CERS6: variants seen among roughly 807,000 people sequenced by gnomAD.
The protein encoded by CERS6 is ceramide synthase 6.
Under a neutral mutation model 56.8 loss-of-function variants are expected in CERS6, and 26 were observed. That is an observed-to-expected ratio of 0.46 (90% CI 0.34 to 0.63). The LOEUF (loss-of-function observed/expected upper bound fraction) is 0.63. Ranked by LOEUF, CERS6 falls within the 30% of genes least tolerant of loss-of-function variation. The pLI is 0.01. For missense variants in CERS6, 415 were observed against 467.5 expected (o/e 0.89, Z 1.04); for synonymous variants, 164 against 173.3 (o/e 0.95, Z 0.42).
intron 6 of CERS6, among the ~76,000 whole-genome samples, chr2:168,697,970 G>C (rs1686702800): frequency 6.6e-6 from 1 of 152,116 alleles, no homozygotes; most frequent in Non-Finnish European, 1.5e-5. Flanking sequence ...CTTTATTGCT[G>C]TATTAGTTTG....
intron 6 of CERS6, among the ~76,000 whole-genome samples, chr2:168,710,937 G>C (rs1264800312): frequency 6.6e-6 from 1 of 152,164 alleles, no homozygotes; most frequent in African/African-American, 2.4e-5. Flanking sequence ...GTTCTGCCAT[G>C]GGCAGTTAGA....
intron 6 of CERS6, among the ~76,000 whole-genome samples, chr2:168,708,553 C>A (rs1687014023): frequency 6.6e-6 from 1 of 152,012 alleles, no homozygotes; most frequent in African/African-American, 2.4e-5. Flanking sequence ...CTTCTGTTTC[C>A]TAGACAGTCT....
intron 8 of CERS6, among the ~76,000 whole-genome samples, chr2:168,761,075 A>G (rs1336872369): frequency 6.6e-6 from 1 of 152,126 alleles, no homozygotes; most frequent in African/African-American, 2.4e-5. Context: ...TGTTTATTAG[A>G]GTCCAGGTGT....
intron 3 of CERS6, among the ~76,000 whole-genome samples, chr2:168,616,329 A>G (rs1226507585): frequency 6.6e-6 from 1 of 152,220 alleles, no homozygotes; most frequent in African/African-American, 2.4e-5. Flanking sequence ...AAAAAAATAA[A>G]AATCCAAGGT....
chr2:168,541,294 G>A (rs566211572), intron 1 of CERS6, among the ~76,000 whole-genome samples: 15 of 152,236 alleles, frequency 9.9e-5, no homozygotes, highest in African/African-American at 3.1e-4. Context: ...GGCACAGAAC[G>A]CCCAGACTAT....
chr2:168,615,431 G>T (rs1292680831), intron 3 of CERS6, among the ~76,000 whole-genome samples: 1 of 151,898 alleles, frequency 6.6e-6, no homozygotes, highest in Non-Finnish European at 1.5e-5. Context: ...GGAGGCACCA[G>T]AGAAAGGTGA....
intron 4 of CERS6, among the ~76,000 whole-genome samples, chr2:168,680,103 A>G (rs964851602): frequency 2.6e-5 from 4 of 152,224 alleles, no homozygotes; most frequent in African/African-American, 9.6e-5. Context: ...TGGAGGCAGA[A>G]AGCCAGCAAA....
intron 2 of CERS6, among the ~76,000 whole-genome samples, chr2:168,554,971 A>C (rs1695649640): frequency 6.6e-6 from 1 of 152,128 alleles, no homozygotes; most frequent in South Asian, 2.1e-4. Flanking sequence ...ATGGAAACAC[A>C]ATAGAAAGAA....
At chr2:168,696,861 A>C (rs1439349440) in intron 6 of CERS6, among the ~76,000 whole-genome samples, 1 of 152,218 alleles carries the variant, frequency 6.6e-6, no homozygotes, top group Non-Finnish European at 1.5e-5. Context: ...CCCAGCAAGC[A>C]AGATATGTTC....
chr2:168,461,756 T>A (rs1355451546), intron 1 of CERS6, among the ~76,000 whole-genome samples: 1 of 152,228 alleles, frequency 6.6e-6, no homozygotes, highest in Non-Finnish European at 1.5e-5. Context: ...ATCACCATGA[T>A]GTAATGTCAT....
In CERS6 at chr2:168,561,258, C is replaced by T. The variant is rs756341540; in HGVS notation, c.343C>T (p.Arg115Cys). 9.3e-6 allele frequency: 15 copies of T among 1,613,938 alleles called. No individual in the cohort carries two copies. Among genetic ancestry groups the T allele is most frequent in the Admixed American group, 6.7e-5 (4 of 60,000 alleles). Residue 115 changes from arginine (R) to cysteine (C), a missense_variant, in exon 3 of 10, where the codon CGC becomes TGC. Physicochemically the swap from Arg to Cys is radical, Grantham distance 180. Coordinates refer to ENST00000305747, the MANE Select transcript of CERS6 (RefSeq NM_203463.3). ...GGACTGGGATGTTCGAAGCATTCAG[C>T]GCTGGTTTCGACAAAGACGCAATCA... ...QLDWDVRSIQRWFRQRRNQEK... is the reference protein window; with the variant it reads ...QLDWDVRSIQCWFRQRRNQEK...
At chr2:168,631,565 ATTAAATATAATATATATT>A (rs1684725570) in intron 4 of CERS6, among the ~76,000 whole-genome samples, 2 of 120,206 alleles carry the variant, frequency 1.7e-5, no homozygotes, top group Non-Finnish European at 3.2e-5. Flanking sequence ...ATATTTATAT[ATTAAATATAATATATATT>A]TAATATTTAT....
At chr2:168,596,755 CATGTTGG>C (rs1236260864) in intron 3 of CERS6, among the ~76,000 whole-genome samples, 1 of 152,030 alleles carries the variant, frequency 6.6e-6, no homozygotes, top group Non-Finnish European at 1.5e-5. Context: ...GGGGTTTCAC[CATGTTGG>C]CCAGGCTGAT....
At chr2:168,631,745 A>G (rs1684744520) in intron 4 of CERS6, among the ~76,000 whole-genome samples, 2 of 121,056 alleles carry the variant, frequency 1.7e-5, no homozygotes, top group Non-Finnish European at 3.2e-5. Context: ...TAACATAATT[A>G]TATATATTTT....
intron 8 of CERS6, among the ~76,000 whole-genome samples, chr2:168,754,861 G>T (rs1684372678): frequency 6.6e-6 from 1 of 152,152 alleles, no homozygotes; most frequent in African/African-American, 2.4e-5. Context: ...GTGCTCAAGT[G>T]ATCCTCCTGC....
In CERS6 at chr2:168,616,855, G is replaced by A. The variant is rs114979766; in HGVS notation, c.408-14130G>A. ...GACAGAAAGTCAACAAAGAAACAAT[G>A]TATTTTTACTATACCCTGGAACAAA... On this transcript the variant is annotated intron_variant, in intron 3 of 9. Transcript: ENST00000305747. 2.6e-3 allele frequency among the ~76,000 whole-genome samples: 394 copies of A among 152,194 alleles called. 4 individuals are homozygous for A. Among genetic ancestry groups the A allele is most frequent in the African/African-American group, 9.0e-3 (374 of 41,534 alleles).
chr2:168,735,880 C>CAAAA (rs145418479), intron 8 of CERS6, among the ~76,000 whole-genome samples: 1,276 of 106,126 alleles, frequency 0.012, 31 homozygotes, highest in South Asian at 0.059. Flanking sequence ...GACCCTGTCT[C>CAAAA]AAAAAAAAAA....
At chr2:168,560,841 A>G (rs755992476) in intron 2 of CERS6, among the ~76,000 whole-genome samples, 9 of 152,182 alleles carry the variant, frequency 5.9e-5, no homozygotes, top group South Asian at 2.1e-4. Flanking sequence ...TTTACCTTCA[A>G]TGGACTCCCT....
chr2:168,663,771 T>TAA (rs35070293), intron 4 of CERS6, among the ~76,000 whole-genome samples: 12 of 151,912 alleles, frequency 7.9e-5, no homozygotes, highest in Middle Eastern at 3.4e-3. Context: ...ATATATACTT[T>TAA]AAAAAAAATC....
Sources: allele counts gnomAD v4.1 joint callset (sites outside exome capture counted in the v4.1 genomes callset), GRCh38; gene constraint gnomAD v4.1.1; transcripts MANE v1.5; gene names NCBI Gene and HGNC (gene_info 2026-07-23, HGNC 2026-07-21).